The following URB1 variants were observed in gnomAD, a reference collection of about 807,000 sequenced individuals.
URB1 encodes the protein nucleolar pre-ribosomal-associated protein 1.
URB1 carries 197 observed loss-of-function variants against 242.3 expected under a neutral mutation model. The observed-to-expected ratio is 0.81, with a 90% CI of 0.72 to 0.91. URB1 has a LOEUF of 0.91. URB1 is among the 40% of genes least tolerant of loss of function. The pLI is 0.00. For missense variants in URB1, 2,721 were observed against 2,860.5 expected (o/e 0.95, Z 1.11); for synonymous variants, 1,153 against 1,201.8 (o/e 0.96, Z 0.84).
At chr21:32,382,460 C>T (rs1428597722) in intron 4 of URB1, among the ~76,000 whole-genome samples, 1 of 152,150 alleles carries the variant, frequency 6.6e-6, no homozygotes, top group African/African-American at 2.4e-5. Context: ...GCCAATCTCA[C>T]AGAGCCATAA....
chr21:32,392,505 G>A (rs188907713), intron 1 of URB1, among the ~76,000 whole-genome samples: 112 of 152,336 alleles, frequency 7.4e-4, no homozygotes, highest in African/African-American at 1.9e-3. Context: ...AGAGCTCGCT[G>A]AGGGATGCTG....
chr21:32,338,127 C>A (rs2032983790), intron 26 of URB1, among the ~76,000 whole-genome samples: 2 of 152,158 alleles, frequency 1.3e-5, no homozygotes, highest in African/African-American at 2.4e-5. Context: ...GCTAATACTT[C>A]CGGGTGTGAA....
At chr21:32,390,175 T>A (rs892901110) in intron 1 of URB1, among the ~76,000 whole-genome samples, 1 of 152,216 alleles carries the variant, frequency 6.6e-6, no homozygotes, top group Non-Finnish European at 1.5e-5. Flanking sequence ...CCTACACCCA[T>A]GCCCTGTCAA....
In URB1 at chr21:32,360,989, C is replaced by A; in HGVS notation, c.1756+18G>T. On this transcript the variant is annotated intron_variant, in intron 13 of 38. Coordinates refer to ENST00000382751, the MANE Select transcript of URB1 (RefSeq NM_014825.3). ...GGCAGCAACAGTGGCGGCTTGTCTG[C>A]AAGACCTTGAAACCCACCTTTCAGG... 1 of 1,524,732 alleles carries A rather than the reference C, an allele frequency of 6.6e-7. No homozygotes were observed. Among genetic ancestry groups the A allele is most frequent in the Non-Finnish European group, 8.8e-7 (1 of 1,130,734 alleles). The allele number at this position is 1,524,732 out of a possible 1,614,324, so 94.5% of individuals were successfully genotyped here.
intron 30 of URB1, among the ~76,000 whole-genome samples, chr21:32,330,808 C>T (rs945254036): frequency 7.9e-5 from 12 of 152,126 alleles, no homozygotes; most frequent in Admixed American, 5.2e-4. Context: ...TTGCTATTAC[C>T]GTAATCTGAC....
intron 21 of URB1, 92 bp from the exon 22 acceptor site, chr21:32,347,903 G>A (rs958064903): frequency 3.5e-5 from 51 of 1,437,770 alleles, no homozygotes; most frequent in Middle Eastern, 1.9e-4. Flanking sequence ...TGTTGTTAGC[G>A]AGACAGAGAG....
At chr21:32,356,042 C>T (rs983152436) in intron 15 of URB1, among the ~76,000 whole-genome samples, 1 of 152,174 alleles carries the variant, frequency 6.6e-6, no homozygotes, top group African/African-American at 2.4e-5. Context: ...ATAACATCCC[C>T]AATTGTTGAG....
rs1312098825 is a variant in URB1, at chr21:32,317,085, A to G, written c.6035-20T>C. ...GCATTTCTGTTAAATGCACAAAGAG[A>G]AGGTAATGAGACTGGGGTCCCTCCT... On this transcript the variant is annotated intron_variant, in intron 37 of 38. Transcript: ENST00000382751. The G allele has an allele frequency of 6.6e-7, 1 of 1,507,738 alleles. No individual in the cohort carries two copies. Among genetic ancestry groups the G allele is most frequent in the Non-Finnish European group, 8.9e-7 (1 of 1,128,102 alleles). The allele number at this position is 1,507,738 out of a possible 1,614,324, so 93.4% of individuals were successfully genotyped here.
rs367586999 is a variant in URB1, at chr21:32,355,434, G to A, written c.2106+15C>T. The A allele has an allele frequency of 6.5e-7, 1 of 1,546,618 alleles. No individual in the cohort carries two copies. The highest frequency in any genetic ancestry group is 8.8e-7 in the Non-Finnish European group (1 of 1,142,398). ...TCTCTGAGCATGTTCCTTTATGTGG[G>A]AAATATGTGCTTACGCGTTCCAGAA... On this transcript the variant is annotated intron_variant, in intron 16 of 38. Transcript: ENST00000382751.
At chr21:32,347,877 C>T in intron 21 of URB1, 66 bp from the exon 22 acceptor site, 4 of 1,465,012 alleles carry the variant, frequency 2.7e-6, no homozygotes, top group Non-Finnish European at 3.6e-6. Flanking sequence ...GCGGCAGCTG[C>T]CACGCAAGTA....
At chr21:32,327,988 T>C (rs906062803) in intron 30 of URB1, among the ~76,000 whole-genome samples, 1 of 152,254 alleles carries the variant, frequency 6.6e-6, no homozygotes, top group South Asian at 2.1e-4. Context: ...GCAGAGATGG[T>C]CAGATTAGAT....
At chr21:32,322,970 G>T (rs1234559467) in intron 32 of URB1, among the ~76,000 whole-genome samples, 1 of 152,206 alleles carries the variant, frequency 6.6e-6, no homozygotes, top group Non-Finnish European at 1.5e-5. Flanking sequence ...GCTTCTAACT[G>T]AAAGGAACCG....
In URB1 at chr21:32,354,037, G is replaced by A. The variant is rs867683172; in HGVS notation, c.2312C>T (p.Thr771Met). Reference sequence around the variant, plus strand: ...GAGCAGGATCATGTCTTCACTCAACGTGAACCCTATTTCCTCATCCAAGCC... The same window carrying A: ...GAGCAGGATCATGTCTTCACTCAACATGAACCCTATTTCCTCATCCAAGCC... The part of the protein sequence containing the change: ...SEGLDEEIGF[T>M]LSEDMILLTF... Residue 771 changes from threonine (T) to methionine (M), a missense_variant, in exon 18 of 39, where the codon ACG becomes ATG. Transcript: ENST00000382751. 3.2e-5 allele frequency: 50 copies of A among 1,551,610 alleles called. 1 individual carries two copies. In the Middle Eastern group the frequency reaches 3.2e-3, roughly 98 times the overall value.
At chr21:32,346,402 C>A (rs1280092907) in intron 22 of URB1, among the ~76,000 whole-genome samples, 1 of 152,168 alleles carries the variant, frequency 6.6e-6, no homozygotes, top group Non-Finnish European at 1.5e-5. Context: ...CCTCTGTCAT[C>A]AATGATAGGA....
At chr21:32,334,604 A>G (rs1380470513) in intron 28 of URB1, among the ~76,000 whole-genome samples, 2 of 152,152 alleles carry the variant, frequency 1.3e-5, no homozygotes, top group East Asian at 3.9e-4. Flanking sequence ...CATGTAGATC[A>G]ATTCACTCAA....
In URB1 at chr21:32,344,563, C is replaced by A; in HGVS notation, c.4257+7G>T. ...TTTAATCTGGATCTCTAAGAAAAGA[C>A]ACTTACCAACAACGCATTTAATCTA... is the stretch of plus-strand genomic sequence containing the variant. On this transcript the variant is annotated splice_region_variant and intron_variant, in intron 24 of 38. Transcript: ENST00000382751. 2 of 1,551,358 alleles carry A rather than the reference C, an allele frequency of 1.3e-6. No individual in the cohort carries two copies. The highest frequency in any genetic ancestry group is 2.4e-5 in the South Asian group (2 of 83,928).
rs2033208394 is a variant in URB1, at chr21:32,355,445, T to C, written c.2106+4A>G. The C allele has an allele frequency of 1.9e-6, 3 of 1,550,748 alleles. No homozygotes were observed. The highest frequency in any genetic ancestry group is 2.6e-6 in the Non-Finnish European group (3 of 1,145,956). ...GTTCCTTTATGTGGGAAATATGTGC[T>C]TACGCGTTCCAGAAACTGAATCACA... On this transcript the variant is annotated splice_donor_region_variant and intron_variant, in intron 16 of 38. Transcript: ENST00000382751.
At position 32,314,347 on chromosome 21, in the gene URB1, G is replaced by C; in HGVS notation, c.*571C>G. 2.1e-6 allele frequency: 1 copy of C among 484,300 alleles called. No individual in the cohort carries two copies. The highest frequency in any genetic ancestry group is 4.2e-5 in the East Asian group (1 of 23,674). The allele number at this position is 484,300 out of a possible 1,614,324, so 30.0% of individuals were successfully genotyped here. ...TTACAGGTGTGCGCTACCATGCCTG[G>C]CTAATTTTTGTATTTTTAGTAGAGA... On this transcript the variant is annotated 3_prime_UTR_variant, in exon 39 of 39. Transcript: ENST00000382751.
intron 15 of URB1, among the ~76,000 whole-genome samples, chr21:32,356,240 T>G (rs758620893): frequency 1.3e-5 from 2 of 152,090 alleles, no homozygotes; most frequent in East Asian, 3.9e-4. Flanking sequence ...ATTAAAAAAG[T>G]AGCCGGGTTA....
Sources: allele counts gnomAD v4.1 joint callset (sites outside exome capture counted in the v4.1 genomes callset), GRCh38; gene constraint gnomAD v4.1.1; transcripts MANE v1.5; gene names NCBI Gene and HGNC (gene_info 2026-07-23, HGNC 2026-07-21).